The following UNC13A variants were observed in gnomAD, a reference collection of about 807,000 sequenced individuals.
UNC13A encodes protein unc-13 homolog A.
A neutral mutation model predicts 219.7 loss-of-function variants in UNC13A; 61 were observed. The ratio of observed to expected loss-of-function variants is 0.28; its 90% CI spans 0.23 to 0.34. UNC13A has a LOEUF of 0.34. UNC13A is among the 10% of genes least tolerant of loss of function. The pLI, the probability that UNC13A is intolerant of heterozygous loss-of-function variation, is 1.00. For missense variants in UNC13A, 1,476 were observed against 2,270.3 expected (o/e 0.65, Z 7.11); for synonymous variants, 920 against 884.6 (o/e 1.04, Z -0.71).
intron 1 of UNC13A, among the ~76,000 whole-genome samples, chr19:17,683,134 C>G (rs1278597825): frequency 6.6e-6 from 1 of 152,142 alleles, no homozygotes; most frequent in Non-Finnish European, 1.5e-5. Context: ...AGGGACTTGG[C>G]TGTCTCCGAG....
At chr19:17,679,831 G>A (rs1002339327) in intron 1 of UNC13A, among the ~76,000 whole-genome samples, 1 of 151,868 alleles carries the variant, frequency 6.6e-6, no homozygotes, top group African/African-American at 2.4e-5. Flanking sequence ...TGGTCAGTCC[G>A]GCTCCTCTTC....
In UNC13A at chr19:17,613,171, G is replaced by T. The variant is rs2076622581; in HGVS notation, c.4559-1316C>A. On this transcript the variant is annotated intron_variant, in intron 41 of 43. Transcript: ENST00000519716. Reference sequence around the variant, plus strand: ...CACTTGAACCTGGGAGGCAGAGGTTGCAGTGAGCTGAGATTGCACCACTGC... The same window carrying T: ...CACTTGAACCTGGGAGGCAGAGGTTTCAGTGAGCTGAGATTGCACCACTGC... Among the ~76,000 whole-genome samples, 4 of 152,058 alleles carry T rather than the reference G, an allele frequency of 2.6e-5. 1 individual carries two copies. The South Asian group carries it at 8.3e-4, about 32-fold the overall frequency.
intron 16 of UNC13A, 72 bp from the exon 17 acceptor site, chr19:17,647,564 C>T: frequency 6.9e-7 from 1 of 1,444,876 alleles, no homozygotes; most frequent in Non-Finnish European, 9.4e-7. Flanking sequence ...GCGAGAGCCC[C>T]GCCCCTACTC....
intron 2 of UNC13A, among the ~76,000 whole-genome samples, chr19:17,675,295 C>T (rs578098768): frequency 6.6e-6 from 1 of 151,704 alleles, no homozygotes; most frequent in Admixed American, 6.6e-5. Context: ...GATTGCACCA[C>T]GGCACTCCAG....
In UNC13A at chr19:17,668,167, A is replaced by G; in HGVS notation, c.418T>C (p.Tyr140His). 1 of 1,613,738 alleles carries G rather than the reference A, an allele frequency of 6.2e-7. No homozygotes were observed. The highest frequency in any genetic ancestry group is 8.5e-7 in the Non-Finnish European group (1 of 1,179,738). ...PLDIPEEEAR[Y>H]WAKKLEQLNA... ...AGCTGCTCCAGCTTCTTGGCCCAGT[A>G]GCGAGCCTCCTCTTCAGGAATGTCT... Residue 140 changes from tyrosine (Y) to histidine (H), a missense_variant, in exon 6 of 44, where the codon TAC becomes CAC. Physicochemically the swap from Tyr to His is moderately conservative, Grantham distance 83. Transcript: ENST00000519716.
intron 4 of UNC13A, among the ~76,000 whole-genome samples, chr19:17,670,933 T>TA (rs1354414765): frequency 6.7e-6 from 1 of 148,432 alleles, no homozygotes; most frequent in East Asian, 2.0e-4. Flanking sequence ...TAAAATAAAA[T>TA]AAAATAAAAT....
rs2145898259 is a variant in UNC13A, at chr19:17,668,276, G to A, written c.395-86C>T. On this transcript the variant is annotated intron_variant, in intron 5 of 43. Coordinates refer to ENST00000519716, the MANE Select transcript of UNC13A (RefSeq NM_001080421.3). The stretch of plus-strand genomic sequence containing the variant: ...TCCAGGCCTACTGAGCTCCACCCGG[G>A]CCCTGGCTTCTGGGGTCTTTGGCAA... 1.1e-5 allele frequency: 15 copies of A among 1,360,380 alleles called. No individual in the cohort carries two copies. The South Asian group carries it at 1.6e-4, about 15-fold the overall frequency. 84.3% of individuals were successfully genotyped at this position (1,360,380 alleles called of 1,614,324 possible). A position where few individuals can be genotyped will look rare whatever the true frequency, so the allele number is the denominator to read the frequency against.
At chr19:17,641,685 T>TTTTTTTTTTTTTTTTTTTTGAG in intron 20 of UNC13A, 129 bp from the exon 21 acceptor site, 12 of 981,178 alleles carry the variant, frequency 1.2e-5, no homozygotes, top group Non-Finnish European at 1.3e-5. Context: ...TCTACTCTTT[T>TTTTTTTTTTTTTTTTTTTTGAG]ATCCATCCAC....
Position 17,631,184 on chromosome 19 carries a change from T to TTTCCTTCCTTCCTCCC in UNC13A, c.3429-435_3429-434insGGGAGGAAGGAAGGAA, listed in dbSNP as rs2076846632. On this transcript the variant is annotated intron_variant, in intron 28 of 43. Coordinates refer to ENST00000519716, the MANE Select transcript of UNC13A (RefSeq NM_001080421.3). ...CTCCCTCCCTCCCTCCCTCCTTTCC[T>TTTCCTTCCTTCCTCCC]TCCTTCCCTCCCTCCCTCCCTTCCT... Among the ~76,000 whole-genome samples the TTTCCTTCCTTCCTCCC allele has an allele frequency of 4.3e-4, 11 of 25,500 alleles. 1 individual carries two copies. The highest frequency in any genetic ancestry group is 7.5e-4 in the Non-Finnish European group (9 of 12,004). The allele number at this position is 25,500 out of a possible 152,430, so 16.7% of individuals were successfully genotyped here. A position where few individuals can be genotyped will look rare whatever the true frequency, so the allele number is the denominator to read the frequency against.
intron 16 of UNC13A, 80 bp downstream of exon 16, chr19:17,648,351 C>A: frequency 5.3e-6 from 5 of 940,798 alleles, no homozygotes; most frequent in Non-Finnish European, 6.9e-6. Context: ...CATCGCCTTG[C>A]CCTTCAGCCT....
rs1404194613 is a variant in UNC13A, at chr19:17,604,988, G to C, written c.*1066C>G. 1 of 152,654 alleles carries C rather than the reference G, an allele frequency of 6.6e-6. No individual in the cohort carries two copies. Among genetic ancestry groups the C allele is most frequent in the Non-Finnish European group, 1.5e-5 (1 of 68,056 alleles). 9.5% of individuals were successfully genotyped at this position (152,654 alleles called of 1,614,324 possible). On this transcript the variant is annotated 3_prime_UTR_variant, in exon 44 of 44. Transcript: ENST00000519716. ...GGGATGGAGAAACCTGGGACCAGGG[G>C]ATCCCAAATTCTCTTTTGTGGTGGG...
At chr19:17,680,898 T>C (rs1204162509) in intron 1 of UNC13A, among the ~76,000 whole-genome samples, 1 of 105,236 alleles carries the variant, frequency 9.5e-6, no homozygotes, top group Non-Finnish European at 2.0e-5. Context: ...TCTTTTTTTT[T>C]TTTTTTTTTT....
At chr19:17,628,079 G>A in intron 31 of UNC13A, 139 bp from the exon 32 acceptor site, 1 of 739,222 alleles carries the variant, frequency 1.4e-6, no homozygotes. Flanking sequence ...ACCTGCAAAT[G>A]GAAGGGAGCT....
Position 17,609,518 on chromosome 19 carries a change from C to G in UNC13A, c.4811+422G>C, listed in dbSNP as rs1460183653. On this transcript the variant is annotated intron_variant, in intron 43 of 43. Transcript: ENST00000519716. The stretch of plus-strand genomic sequence containing the variant: ...AATGTAGACTCCAGTAGTCCCCACC[C>G]CCATGCAACCTCAGTCCTGTCCCCA... 2.6e-5 allele frequency among the ~76,000 whole-genome samples: 4 copies of G among 152,068 alleles called. No individual in the cohort carries two copies. In the East Asian group the frequency reaches 7.7e-4, roughly 29 times the overall value.
Position 17,603,502 on chromosome 19 carries a change from G to A in UNC13A, c.*2552C>T, listed in dbSNP as rs1351538580. The A allele has an allele frequency of 1.1e-4, 16 of 152,260 alleles. No individual in the cohort carries two copies. The highest frequency in any genetic ancestry group is 2.2e-4 in the Non-Finnish European group (15 of 68,038). The allele number at this position is 152,260 out of a possible 1,614,324, so 9.4% of individuals were successfully genotyped here. A position where few individuals can be genotyped will look rare whatever the true frequency, so the allele number is the denominator to read the frequency against. On this transcript the variant is annotated 3_prime_UTR_variant, in exon 44 of 44. Transcript: ENST00000519716. ...ATAACAGTCACATAAGCTTATCCCT[G>A]GCTACAACTTCCCAACCCTGTATGA...
chr19:17,654,253 A>G (rs555414532), intron 11 of UNC13A, among the ~76,000 whole-genome samples: 3 of 152,028 alleles, frequency 2.0e-5, no homozygotes, highest in Non-Finnish European at 4.4e-5. Context: ...TACTAGTTCC[A>G]TAGTTTGTTT....
Position 17,685,831 on chromosome 19 carries a change from G to C in UNC13A, c.22+2347C>G, listed in dbSNP as rs112512409. On this transcript the variant is annotated intron_variant, in intron 1 of 43. Coordinates refer to ENST00000519716, the MANE Select transcript of UNC13A (RefSeq NM_001080421.3). ...CTGTGGGTCCCCGGTGGAGGGGAGG[G>C]GGGACAGGTATTTCCTCAGCTGAGC... Among the ~76,000 whole-genome samples, 1,143 of 152,098 alleles carry C rather than the reference G, an allele frequency of 7.5e-3. 7 individuals carry two copies. Among genetic ancestry groups the C allele is most frequent in the Non-Finnish European group, 0.011 (779 of 67,970 alleles).
rs376896812 is a variant in UNC13A at position 17,674,789 on chromosome 19, G to A, written c.53-33C>T. The A allele has an allele frequency of 6.4e-6, 10 of 1,568,588 alleles. No individual in the cohort carries two copies. Among genetic ancestry groups the A allele is most frequent in the African/African-American group, 2.7e-5 (2 of 73,868 alleles). ...AGTGAGAGTAGGGGTCAGCGCTGGG[G>A]CTCAGGGACTCTCCAATGCCCCTTC... On this transcript the variant is annotated intron_variant, in intron 2 of 43. Coordinates refer to ENST00000519716, the MANE Select transcript of UNC13A (RefSeq NM_001080421.3). This position sits in a 1 kb window ranked among gnomAD's most constrained non-coding sequence, Gnocchi z 5.0.
intron 3 of UNC13A, 136 bp from the exon 4 acceptor site, chr19:17,672,631 G>A (rs1347465968): frequency 4.8e-6 from 3 of 623,674 alleles, no homozygotes; most frequent in Admixed American, 3.1e-5. Flanking sequence ...AGGTGGTAGG[G>A]TAACATGGTG....
Sources: gnomAD v4.1 joint callset for allele counts (sites outside exome capture counted in the v4.1 genomes callset) on GRCh38, gnomAD v4.1.1 for gene constraint, Gnocchi (gnomAD v3.1) non-coding constraint, MANE v1.5 for transcripts, NCBI Gene and HGNC (gene_info 2026-07-23, HGNC 2026-07-21) for gene names.